MBNL2: variants seen among roughly 807,000 people sequenced by gnomAD.
MBNL2 encodes muscleblind like splicing regulator 2, also known as muscleblind-like protein 2.
A neutral mutation model predicts 41.9 loss-of-function variants in MBNL2; 17 were observed. The observed-to-expected ratio is 0.41, with a 90% confidence interval of 0.28 to 0.61. MBNL2 has a LOEUF of 0.61. MBNL2 is among the 20% of genes least tolerant of loss of function. The probability of loss-of-function intolerance (pLI) is 0.35; values close to 1 mark genes in which losing one functional copy is unlikely to be tolerated. For missense variants in MBNL2, 336 were observed against 505.6 expected, an observed-to-expected ratio of 0.66 and a Z score of 3.22; for synonymous variants, 195 against 182.9, an observed-to-expected ratio of 1.07 and a Z score of -0.53.
chr13:97,210,826 T>A, the MBNL2 span, among the ~76,000 whole-genome samples: 1 of 152,058 alleles, frequency 6.6e-6, no homozygotes, highest in Admixed American at 6.6e-5. Context: ...CTCAGTTTTT[T>A]AAATGTTATT....
intron 2 of MBNL2, among the ~76,000 whole-genome samples, chr13:97,276,968 G>A (rs973235810): frequency 6.6e-6 from 1 of 152,168 alleles, no homozygotes; most frequent in Non-Finnish European, 1.5e-5. Flanking sequence ...AAGTGATTCA[G>A]ATGGCACCTT....
At chr13:97,279,046 T>C (rs1239090596) in intron 2 of MBNL2, among the ~76,000 whole-genome samples, 4 of 152,250 alleles carry the variant, frequency 2.6e-5, no homozygotes, top group Non-Finnish European at 4.4e-5. Context: ...TACGAGGTTC[T>C]TGTGAGGATT....
At chr13:97,195,780 A>G in the MBNL2 span, among the ~76,000 whole-genome samples, 1 of 152,216 alleles carries the variant, frequency 6.6e-6, no homozygotes, top group Non-Finnish European at 1.5e-5. Context: ...GGACATTTTT[A>G]ATATTGCCAA....
intron 8 of MBNL2, among the ~76,000 whole-genome samples, chr13:97,380,148 C>A (rs909819192): frequency 6.6e-6 from 1 of 152,156 alleles, no homozygotes; most frequent in African/African-American, 2.4e-5. Context: ...CTAAATGAAA[C>A]CATGTCTGTG....
chr13:97,347,452 G>C (rs2061989746), intron 5 of MBNL2, among the ~76,000 whole-genome samples: 1 of 152,198 alleles, frequency 6.6e-6, no homozygotes, highest in East Asian at 1.9e-4. Context: ...ACCTGAGCAC[G>C]AGGAGGCACC....
the MBNL2 span, among the ~76,000 whole-genome samples, chr13:97,198,270 T>C: frequency 3.3e-5 from 5 of 151,972 alleles, no homozygotes; most frequent in African/African-American, 1.2e-4. Flanking sequence ...TGATGGCCTT[T>C]GAACTAAAAC....
chr13:97,282,517 T>C (rs1487068538), intron 2 of MBNL2, among the ~76,000 whole-genome samples: 1 of 152,234 alleles, frequency 6.6e-6, no homozygotes, highest in Non-Finnish European at 1.5e-5. Flanking sequence ...ATAAATATTA[T>C]ACCATCACCT....
At chr13:97,220,330 C>T (rs1006465755), upstream of MBNL2, among the ~76,000 whole-genome samples, 3 of 152,140 alleles carry the variant, frequency 2.0e-5, no homozygotes, top group Non-Finnish European at 4.4e-5. Context: ...GGTTTCAAAG[C>T]GTCTGGTACA....
chr13:97,243,470 C>G (rs1028645877), intron 1 of MBNL2, among the ~76,000 whole-genome samples: 5 of 152,030 alleles, frequency 3.3e-5, no homozygotes, highest in African/African-American at 1.2e-4. Flanking sequence ...GAGGACAGGA[C>G]TGGCTGGCTG....
the MBNL2 span, among the ~76,000 whole-genome samples, chr13:97,148,228 C>T: frequency 6.6e-5 from 10 of 152,168 alleles, no homozygotes; most frequent in African/African-American, 1.9e-4. Flanking sequence ...GTATGATTAG[C>T]AAATGTTCTG....
At chr13:97,340,602 T>A (rs1413158281) in intron 3 of MBNL2, among the ~76,000 whole-genome samples, 1 of 152,184 alleles carries the variant, frequency 6.6e-6, no homozygotes, top group African/African-American at 2.4e-5. Context: ...GCTAAGTAGT[T>A]TCACTTACTC....
At chr13:97,280,713 A>G (rs2053223357) in intron 2 of MBNL2, among the ~76,000 whole-genome samples, 1 of 152,030 alleles carries the variant, frequency 6.6e-6, no homozygotes, top group Admixed American at 6.6e-5. Context: ...CACTCCAGCC[A>G]CGCATCTTTG....
chr13:97,154,304 G>GGTTTTTT, the MBNL2 span, among the ~76,000 whole-genome samples: 2 of 151,906 alleles, frequency 1.3e-5, no homozygotes, highest in Admixed American at 6.6e-5. Flanking sequence ...TTTACCCGTT[G>GGTTTTTT]GTTTTTTGTT....
At chr13:97,167,662 G>A in the MBNL2 span, among the ~76,000 whole-genome samples, 34 of 152,174 alleles carry the variant, frequency 2.2e-4, no homozygotes, top group East Asian at 6.0e-3. Context: ...TAATCATAAA[G>A]CAGAGGATTT....
chr13:97,271,250 G>A (rs1261463797), intron 1 of MBNL2, among the ~76,000 whole-genome samples: 2 of 151,522 alleles, frequency 1.3e-5, no homozygotes, highest in Admixed American at 6.6e-5. Flanking sequence ...CAAGTAGCTG[G>A]GATTACAGGC....
intron 8 of MBNL2, among the ~76,000 whole-genome samples, chr13:97,385,587 T>C (rs762519739): frequency 6.6e-6 from 1 of 152,238 alleles, no homozygotes; most frequent in Non-Finnish European, 1.5e-5. Flanking sequence ...AATATTGAGC[T>C]ATCATTTTAA....
At chr13:97,205,834 C>T in the MBNL2 span, among the ~76,000 whole-genome samples, 2 of 152,238 alleles carry the variant, frequency 1.3e-5, no homozygotes, top group South Asian at 2.1e-4. Context: ...ATTACATGCA[C>T]GACTGATGTT....
At chr13:97,205,731 T>C in the MBNL2 span, among the ~76,000 whole-genome samples, 3 of 152,204 alleles carry the variant, frequency 2.0e-5, no homozygotes, top group Admixed American at 6.5e-5. Context: ...TTTACTAAGA[T>C]GATTTAATAA....
At chr13:97,259,263 C>G (rs2048142723) in intron 1 of MBNL2, among the ~76,000 whole-genome samples, 1 of 152,120 alleles carries the variant, frequency 6.6e-6, no homozygotes, top group Non-Finnish European at 1.5e-5. Flanking sequence ...GTGGCATTCT[C>G]TATATATTCT....
Sources: gnomAD v4.1 joint callset for allele counts (sites outside exome capture counted in the v4.1 genomes callset) on GRCh38, gnomAD v4.1.1 for gene constraint, MANE v1.5 for transcripts, NCBI Gene and HGNC (gene_info 2026-07-23, HGNC 2026-07-21) for gene names.